The following STAB2 variants were observed in gnomAD, a reference collection of about 807,000 sequenced individuals.
STAB2 encodes the protein stabilin 2, also known as stabilin-2.
A neutral mutation model predicts 338.1 loss-of-function variants in STAB2; 288 were observed. That is an observed-to-expected ratio of 0.85 (90% CI 0.77 to 0.94). The LOEUF is 0.94. STAB2 is among the 40% of genes least tolerant of loss of function. The pLI, the probability that STAB2 is intolerant of heterozygous loss-of-function variation, is 0.00. For synonymous variants in STAB2, 1,202 were observed against 1,193.3 expected, an observed-to-expected ratio of 1.01 and a Z score of -0.15; for missense variants, 3,141 against 3,210.1, an observed-to-expected ratio of 0.98 and a Z score of 0.52.
chr12:103,691,373 CAT>C (rs1488325457), intron 30 of STAB2, among the ~76,000 whole-genome samples: 1 of 152,226 alleles, frequency 6.6e-6, no homozygotes, highest in Non-Finnish European at 1.5e-5. Flanking sequence ...GTAATACCTA[CAT>C]ATATGTGACT....
Position 103,695,732 on chromosome 12 carries a change from C to T in STAB2, c.3475-5C>T, listed in dbSNP as rs771165164. On this transcript the variant is annotated splice_region_variant and splice_polypyrimidine_tract_variant and intron_variant, in intron 32 of 68. Coordinates refer to ENST00000388887, the MANE Select transcript of STAB2 (RefSeq NM_017564.10). ...CTCATGCACTCTTGTCTCTTTCCAT[C>T]GCAGCAATATAATCTGGCGAATGCA... The T allele has an allele frequency of 8.7e-6, 14 of 1,613,996 alleles. No homozygotes were observed. Among genetic ancestry groups the T allele is most frequent in the Middle Eastern group, 1.6e-4 (1 of 6,084 alleles).
In STAB2 at chr12:103,627,279, T is replaced by A. The variant is rs867218854; in HGVS notation, c.488-4319T>A. Among the ~76,000 whole-genome samples the A allele has an allele frequency of 2.0e-5, 3 of 152,092 alleles. No individual in the cohort carries two copies. The Middle Eastern group carries it at 0.01, about 517-fold the overall frequency. On this transcript the variant is annotated intron_variant, in intron 5 of 68. Transcript: ENST00000388887. ...CAGGTGAAGTGGATCCTAAGAGTGA[T>A]GAGATTAGGTGCCCAGTCCCAAGGA... is the stretch of plus-strand genomic sequence containing the variant.
chr12:103,690,325 C>A, intron 29 of STAB2, 99 bp from the exon 30 acceptor site: 1 of 1,084,836 alleles, frequency 9.2e-7, no homozygotes. Flanking sequence ...TGAATTTTGA[C>A]TATGGCAATC....
At chr12:103,595,877 G>A (rs1444433115) in intron 3 of STAB2, among the ~76,000 whole-genome samples, 2 of 152,176 alleles carry the variant, frequency 1.3e-5, no homozygotes, top group Non-Finnish European at 2.9e-5. Context: ...CTCAAAATGT[G>A]TTGGTAATGT....
At position 103,746,949 on chromosome 12, in the gene STAB2, CTT is replaced by C. The variant is rs370851005; in HGVS notation, c.6244+266_6244+267del. 2.1e-3 allele frequency among the ~76,000 whole-genome samples: 206 copies of C among 96,060 alleles called. No individual in the cohort carries two copies. In the East Asian group the frequency reaches 0.027, roughly 12 times the overall value. The allele number at this position is 96,060 out of a possible 152,430, so 63.0% of individuals were successfully genotyped here. ...ACTTTACTTTAGAATGTTTTTCTTT[CTT>C]TTTTTTTTTTTTTTTTTTTTCCGAG... On this transcript the variant is annotated intron_variant, in intron 58 of 68. Coordinates refer to ENST00000388887, the MANE Select transcript of STAB2 (RefSeq NM_017564.10).
intron 3 of STAB2, among the ~76,000 whole-genome samples, chr12:103,615,680 G>A (rs1957199410): frequency 6.6e-6 from 1 of 152,192 alleles, no homozygotes; most frequent in Admixed American, 6.5e-5. Context: ...ATAAAGGAAA[G>A]AGGTTTAATT....
chr12:103,745,380 T>G, intron 57 of STAB2, 103 bp downstream of exon 57: 1 of 1,073,278 alleles, frequency 9.3e-7, no homozygotes, highest in South Asian at 1.6e-5. Context: ...CTGAAAAAAG[T>G]GACAAAGCAG....
At chr12:103,736,780 T>C (rs1047804074) in intron 52 of STAB2, among the ~76,000 whole-genome samples, 1 of 152,140 alleles carries the variant, frequency 6.6e-6, no homozygotes, top group Non-Finnish European at 1.5e-5. Flanking sequence ...ACCACAGTTT[T>C]CTGGTGTTCC....
intron 3 of STAB2, among the ~76,000 whole-genome samples, chr12:103,614,620 T>C (rs527384215): frequency 6.6e-6 from 1 of 152,316 alleles, no homozygotes; most frequent in East Asian, 1.9e-4. Flanking sequence ...TCCAGTTAAG[T>C]GTTCAGGAAC....
chr12:103,710,743 CA>C (rs2138999049), intron 39 of STAB2, among the ~76,000 whole-genome samples: 1 of 152,298 alleles, frequency 6.6e-6, no homozygotes, highest in Non-Finnish European at 1.5e-5. Context: ...CAAAACAGAC[CA>C]CTTTTGCAGG....
At chr12:103,684,485 C>T (rs889589743) in intron 26 of STAB2, among the ~76,000 whole-genome samples, 1 of 152,212 alleles carries the variant, frequency 6.6e-6, no homozygotes, top group Non-Finnish European at 1.5e-5. Context: ...AAGGAGCTCT[C>T]ACACTTCTGC....
At chr12:103,627,537 A>G (rs1011916859) in intron 5 of STAB2, among the ~76,000 whole-genome samples, 2 of 152,362 alleles carry the variant, frequency 1.3e-5, no homozygotes, top group Middle Eastern at 3.4e-3. Context: ...GGCTCTTTCA[A>G]TGATGATCTG....
chr12:103,653,656 C>CTGGA (rs59352583), intron 12 of STAB2, among the ~76,000 whole-genome samples: 5,188 of 73,672 alleles, frequency 0.07, 444 homozygotes, highest in African/African-American at 0.22. Flanking sequence ...GGATAGGTCA[C>CTGGA]TGGATGGATG....
At chr12:103,742,282 T>C (rs1882645139) in intron 55 of STAB2, 123 bp from the exon 56 acceptor site, 1 of 1,296,314 alleles carries the variant, frequency 7.7e-7, no homozygotes, top group Admixed American at 2.2e-5. Flanking sequence ...AAATATCCAC[T>C]GACACTGAAG....
chr12:103,642,270 G>T (rs1872979239), intron 9 of STAB2, among the ~76,000 whole-genome samples: 1 of 152,196 alleles, frequency 6.6e-6, no homozygotes, highest in Non-Finnish European at 1.5e-5. Context: ...ATTAATAGAT[G>T]TAGGAAGTAA....
chr12:103,729,213 G>A (rs1210374940), intron 48 of STAB2, among the ~76,000 whole-genome samples: 1 of 152,200 alleles, frequency 6.6e-6, no homozygotes, highest in Non-Finnish European at 1.5e-5. Flanking sequence ...TGGAGAGTGG[G>A]AGGAGGGAGA....
chr12:103,666,082 ACT>A (rs1875068185), intron 18 of STAB2, among the ~76,000 whole-genome samples: 1 of 151,530 alleles, frequency 6.6e-6, no homozygotes, highest in African/African-American at 2.4e-5. Flanking sequence ...TCTCTCCTAA[ACT>A]CCTCCCACCA....
Position 103,642,348 on chromosome 12 carries a change from C to T in STAB2, c.1040+2092C>T, listed in dbSNP as rs139296414. On this transcript the variant is annotated intron_variant, in intron 9 of 68. Transcript: ENST00000388887. Reference sequence around the variant, plus strand: ...ACTCAGCTGAAAAATAGCCAGGACACGGCTGAGTGGGCCTATTGTAATAAG... The same window carrying T: ...ACTCAGCTGAAAAATAGCCAGGACATGGCTGAGTGGGCCTATTGTAATAAG... Among the ~76,000 whole-genome samples, 7 of 152,304 alleles carry T rather than the reference C, an allele frequency of 4.6e-5. No homozygotes were observed. The East Asian group carries it at 5.8e-4, about 13-fold the overall frequency.
Position 103,750,727 on chromosome 12 carries a change from G to A in STAB2, c.6580+7G>A. 6.2e-7 allele frequency: 1 copy of A among 1,611,538 alleles called. No homozygotes were observed. Among genetic ancestry groups the A allele is most frequent in the Non-Finnish European group, 8.5e-7 (1 of 1,177,992 alleles). On this transcript the variant is annotated splice_region_variant and intron_variant, in intron 60 of 68. Transcript: ENST00000388887. ...GTCGACCTCCACTTCCAGGGTTAGT[G>A]TGACCAGGGCCTATGGCCCAAAGCA...
Sources: gnomAD v4.1 joint callset for allele counts (sites outside exome capture counted in the v4.1 genomes callset) on GRCh38, gnomAD v4.1.1 for gene constraint, MANE v1.5 for transcripts, NCBI Gene and HGNC (gene_info 2026-07-23, HGNC 2026-07-21) for gene names.